The following SEMA3A variants were observed in gnomAD, a reference collection of about 807,000 sequenced individuals.
The protein encoded by SEMA3A is semaphorin 3A.
SEMA3A carries 29 observed loss-of-function variants against 97.9 expected under a neutral mutation model. The observed-to-expected ratio is 0.30, with a 90% CI of 0.22 to 0.40. The LOEUF (loss-of-function observed/expected upper bound fraction) is 0.40, where lower values mean the gene tolerates loss of function less well. Ranked by LOEUF, SEMA3A falls within the 10% of genes least tolerant of loss-of-function variation. The pLI is 1.00. For synonymous variants in SEMA3A, 321 were observed against 323.7 expected (o/e 0.99, Z 0.09); for missense variants, 763 against 951.3 (o/e 0.80, Z 2.60).
chr7:84,488,504 G>C (rs143847313), intron 1 of SEMA3A, among the ~76,000 whole-genome samples: 1 of 151,984 alleles, frequency 6.6e-6, no homozygotes, highest in East Asian at 1.9e-4. Flanking sequence ...CTTTGCAGGC[G>C]GGAATGTGTT....
At chr7:84,252,954 C>T (rs1385360859) in intron 3 of SEMA3A, among the ~76,000 whole-genome samples, 4 of 152,160 alleles carry the variant, frequency 2.6e-5, no homozygotes, top group African/African-American at 2.4e-5. Flanking sequence ...TATCAGCTCA[C>T]TGCAACTACC....
intron 1 of SEMA3A, among the ~76,000 whole-genome samples, chr7:84,176,518 C>A (rs1405384772): frequency 6.6e-6 from 1 of 152,036 alleles, no homozygotes; most frequent in African/African-American, 2.4e-5. Context: ...CACTAGGGTG[C>A]CAGATTAATG....
At chr7:84,009,026 C>G (rs1524884) in intron 9 of SEMA3A, among the ~76,000 whole-genome samples, 7,688 of 152,242 alleles carry the variant, frequency 0.05, 651 homozygotes, top group African/African-American at 0.18. Context: ...AATATCCATT[C>G]TATTGACATA....
chr7:84,148,925 T>C (rs1332390519), intron 1 of SEMA3A, among the ~76,000 whole-genome samples: 2 of 152,242 alleles, frequency 1.3e-5, no homozygotes, highest in African/African-American at 2.4e-5. Context: ...ATACAAAATA[T>C]GTGTTAATTG....
intron 1 of SEMA3A, 108 bp downstream of exon 1, chr7:84,194,367 C>G (rs1798146976): frequency 1.4e-6 from 1 of 698,712 alleles, no homozygotes; most frequent in Non-Finnish European, 2.5e-6. Context: ...GTCGGTTTAC[C>G]AGGTTAAACT....
intron 3 of SEMA3A, among the ~76,000 whole-genome samples, chr7:84,288,112 CT>C (rs901278442): frequency 3.3e-5 from 5 of 151,692 alleles, no homozygotes; most frequent in African/African-American, 1.2e-4. Context: ...CATAGTTAAT[CT>C]TTTTTTTAAT....
At chr7:84,181,188 C>T (rs755333756) in intron 1 of SEMA3A, among the ~76,000 whole-genome samples, 16 of 151,388 alleles carry the variant, frequency 1.1e-4, no homozygotes, top group Non-Finnish European at 1.6e-4. Flanking sequence ...TTTGAATTTG[C>T]GTTGTTTTAA....
At chr7:84,185,148 C>T (rs557356824) in intron 1 of SEMA3A, among the ~76,000 whole-genome samples, 2 of 152,138 alleles carry the variant, frequency 1.3e-5, no homozygotes, top group South Asian at 2.1e-4. Flanking sequence ...TGTGGATATA[C>T]ACAACACACA....
intron 2 of SEMA3A, among the ~76,000 whole-genome samples, chr7:84,360,284 A>C (rs1269429585): frequency 6.6e-6 from 1 of 152,018 alleles, no homozygotes; most frequent in Non-Finnish European, 1.5e-5. Context: ...TTAGTGCTAT[A>C]AATTTCCCTC....
chr7:84,299,132 G>C (rs1392354458), intron 3 of SEMA3A, among the ~76,000 whole-genome samples: 2 of 151,812 alleles, frequency 1.3e-5, no homozygotes, highest in African/African-American at 4.8e-5. Context: ...TGGCTTCCTT[G>C]CTTCTTAACT....
rs1441276545 is a variant in SEMA3A at position 84,005,345 on chromosome 7, C to T, written c.1354G>A (p.Gly452Arg). The T allele has an allele frequency of 1.9e-6, 3 of 1,610,176 alleles. No individual in the cohort carries two copies. Among genetic ancestry groups the T allele is most frequent in the Admixed American group, 1.7e-5 (1 of 59,938 alleles). Reference sequence around the variant, plus strand: ...CTGAAATTTAAAAATTTACCTGTTCCGATAAACATAACATCATACTGTCCA... The same window carrying T: ...CTGAAATTTAAAAATTTACCTGTTCTGATAAACATAACATCATACTGTCCA... The part of the protein sequence containing the change: ...EDGQYDVMFI[G>R]TDVGTVLKVV... Residue 452 changes from glycine to arginine, a missense_variant, in exon 11 of 17, where the codon GGA (glycine) becomes AGA (arginine). Coordinates refer to ENST00000265362, the MANE Select transcript of SEMA3A (RefSeq NM_006080.3).
In SEMA3A at chr7:84,225,906, C is replaced by T. The variant is rs952548216; in HGVS notation, c.-82-31238G>A. On this transcript the variant is annotated intron_variant, in intron 3 of 3. Transcript: ENST00000424555. ...GATTAATGGGCTAATTTCAGAGAAG[C>T]ACTTAAACAGTTGTGGATGCCAAGT... Among the ~76,000 whole-genome samples the T allele has an allele frequency of 2.6e-5, 4 of 152,064 alleles. No homozygotes were observed. The East Asian group carries it at 5.8e-4, about 22-fold the overall frequency.
At chr7:84,115,785 C>G (rs1298167245) in intron 3 of SEMA3A, among the ~76,000 whole-genome samples, 1 of 152,070 alleles carries the variant, frequency 6.6e-6, no homozygotes, top group Non-Finnish European at 1.5e-5. Flanking sequence ...TTATGAAGTA[C>G]TCACAATCCT....
chr7:84,282,274 T>C (rs567040992), intron 3 of SEMA3A, among the ~76,000 whole-genome samples: 34 of 152,292 alleles, frequency 2.2e-4, no homozygotes, highest in African/African-American at 7.5e-4. Flanking sequence ...GTTGACTCTT[T>C]TTTGCATTTC....
chr7:84,400,751 T>G (rs1803878490), intron 1 of SEMA3A, among the ~76,000 whole-genome samples: 1 of 152,234 alleles, frequency 6.6e-6, no homozygotes, highest in African/African-American at 2.4e-5. Flanking sequence ...CAAACCTAGA[T>G]GAAGACATAT....
intron 3 of SEMA3A, among the ~76,000 whole-genome samples, chr7:84,296,532 T>C (rs1183403733): frequency 6.6e-6 from 1 of 152,126 alleles, no homozygotes; most frequent in Non-Finnish European, 1.5e-5. Context: ...CAAGTTAGAG[T>C]AGTGTTGCTT....
intron 3 of SEMA3A, among the ~76,000 whole-genome samples, chr7:84,247,938 T>G (rs1416143868): frequency 6.6e-6 from 1 of 152,234 alleles, no homozygotes; most frequent in African/African-American, 2.4e-5. Flanking sequence ...CTGGATTACA[T>G]CTGCATGAAT....
At chr7:84,385,335 T>C (rs1168765073) in intron 1 of SEMA3A, among the ~76,000 whole-genome samples, 3 of 152,174 alleles carry the variant, frequency 2.0e-5, no homozygotes, top group Non-Finnish European at 4.4e-5. Flanking sequence ...TGCATTTCCT[T>C]GCCCATTATA....
intron 4 of SEMA3A, among the ~76,000 whole-genome samples, chr7:84,074,550 C>A (rs1793869166): frequency 6.6e-6 from 1 of 151,968 alleles, no homozygotes; most frequent in African/African-American, 2.4e-5. Context: ...TTCAATAAAG[C>A]AAACAATAAA....
Sources: allele counts gnomAD v4.1 joint callset (sites outside exome capture counted in the v4.1 genomes callset), GRCh38; gene constraint gnomAD v4.1.1; transcripts MANE v1.5; gene names NCBI Gene and HGNC (gene_info 2026-07-23, HGNC 2026-07-21).